Variants in IGF1 observed in about 807,000 individuals in gnomAD.
IGF1 encodes insulin like growth factor 1, also known as insulin-like growth factor 1.
Under a neutral mutation model 13.8 loss-of-function variants are expected in IGF1, and 4 were observed. The observed-to-expected ratio is 0.29, with a 90% confidence interval of 0.14 to 0.66. The LOEUF is 0.66. Ranked by LOEUF, IGF1 falls within the 30% of genes least tolerant of loss-of-function variation. The pLI is 0.78. For missense variants in IGF1, 124 were observed against 188.5 expected (o/e 0.66, Z 2.00); for synonymous variants, 76 against 72.6 (o/e 1.05, Z -0.23).
At chr12:102,466,844 T>C (rs1191348912) in intron 2 of IGF1, among the ~76,000 whole-genome samples, 2 of 152,178 alleles carry the variant, frequency 1.3e-5, no homozygotes, top group Non-Finnish European at 2.9e-5. Flanking sequence ...AGGTTGAGGC[T>C]GCAGTGAGCT....
In IGF1 at chr12:102,419,568, C is replaced by T. The variant is rs17884626; in HGVS notation, c.343G>A (p.Ala115Thr). The T allele has an allele frequency of 7.6e-4, 1,223 of 1,613,948 alleles. 12 individuals are homozygous for T. The African/African-American group carries it at 0.014, about 18-fold the overall frequency. Reference protein sequence around the residue: ...LEMYCAPLKPAKSARSVRAQR... With the variant: ...LEMYCAPLKPTKSARSVRAQR... ...GCACGGACAGAGCGAGCTGACTTGG[C>T]AGGCTTGAGGGGTGCGCAATACATC... is the stretch of plus-strand genomic sequence containing the variant. Residue 115 changes from alanine (A) to threonine (T), a missense_variant, in exon 3 of 4, where the codon GCC becomes ACC. Transcript: ENST00000337514.
upstream of IGF1, chr12:102,481,666 T>C (rs1881394846): frequency 1.3e-5 from 2 of 152,094 alleles, no homozygotes; most frequent in South Asian, 2.1e-4. Context: ...GAAAGTGAAT[T>C]ATAAAATAAG....
chr12:102,431,753 C>T (rs1440266339), intron 2 of IGF1, among the ~76,000 whole-genome samples: 9 of 152,072 alleles, frequency 5.9e-5, no homozygotes, highest in South Asian at 2.1e-4. Context: ...CTAAATGGAC[C>T]CACTAACCCC....
rs748799635 is a variant in IGF1, at chr12:102,475,727, C to T, written c.136G>A (p.Ala46Thr). The change falls in exon 2 of 4, where the codon GCC becomes ACC. Residue 46 changes from alanine to threonine, a missense_variant. Coordinates refer to ENST00000337514, the MANE Select transcript of IGF1 (RefSeq NM_000618.5). ...CAGAGCGTCTCCGGTCCAGCCGTGG[C>T]AGAGCTGGTGAAGGTGAGCAGGCAC... is the stretch of plus-strand genomic sequence containing the variant. ...ALCLLTFTSS[A>T]TAGPETLCGA... 6.2e-7 allele frequency: 1 copy of T among 1,614,208 alleles called. No individual in the cohort carries two copies. The highest frequency in any genetic ancestry group is 1.3e-5 in the African/African-American group (1 of 75,044).
At chr12:102,434,571 C>T (rs1185957221) in intron 2 of IGF1, among the ~76,000 whole-genome samples, 4 of 147,916 alleles carry the variant, frequency 2.7e-5, no homozygotes, top group Non-Finnish European at 6.0e-5. Context: ...TGGGTTGGTT[C>T]CAAGTCTTTG....
chr12:102,467,278 A>T (rs1880399082), intron 2 of IGF1, among the ~76,000 whole-genome samples: 1 of 152,204 alleles, frequency 6.6e-6, no homozygotes, highest in Admixed American at 6.5e-5. Context: ...CCAGAGATGA[A>T]AGAAGAAAAC....
rs1873443428 is a variant in IGF1 at position 102,398,866 on chromosome 12, A to G, written c.*3641T>C. The stretch of plus-strand genomic sequence containing the variant: ...CCACATTGGCATAGCTGGCCAAACA[A>G]TAAATGGGAAAGCAAAATGTGCTAC... On this transcript the variant is annotated 3_prime_UTR_variant, in exon 4 of 4. Coordinates refer to ENST00000337514, the MANE Select transcript of IGF1 (RefSeq NM_000618.5). The G allele has an allele frequency of 6.6e-6, 1 of 152,450 alleles. No homozygotes were observed. The highest frequency in any genetic ancestry group is 2.4e-5 in the African/African-American group (1 of 41,378). The allele number at this position is 152,450 out of a possible 1,614,324, so 9.4% of individuals were successfully genotyped here. A position where few individuals can be genotyped will look rare whatever the true frequency, so the allele number is the denominator to read the frequency against.
At chr12:102,464,654 A>T (rs1320433641) in intron 2 of IGF1, among the ~76,000 whole-genome samples, 2 of 151,858 alleles carry the variant, frequency 1.3e-5, no homozygotes, top group Non-Finnish European at 2.9e-5. Context: ...ATGGGATGTG[A>T]GGCCCCTGGG....
Position 102,420,463 on chromosome 12 carries a change from C to T in IGF1, c.221-773G>A, listed in dbSNP as rs1018270429. Among the ~76,000 whole-genome samples the T allele has an allele frequency of 3.9e-5, 6 of 152,332 alleles. No individual in the cohort carries two copies. In the South Asian group the frequency reaches 8.3e-4, roughly 21 times the overall value. On this transcript the variant is annotated intron_variant, in intron 2 of 3. Transcript: ENST00000337514. The stretch of plus-strand genomic sequence containing the variant: ...GTATGAATAATGCATAGCACAGCAC[C>T]TGACATATAGTGTAAGTCGTAAGTA...
chr12:102,413,355 G>T (rs1874805231), intron 3 of IGF1, among the ~76,000 whole-genome samples: 3 of 152,264 alleles, frequency 2.0e-5, no homozygotes, highest in African/African-American at 7.2e-5. Flanking sequence ...CTTGCCCAGT[G>T]GATGTTAATG....
chr12:102,473,813 A>G (rs546830880), intron 2 of IGF1, among the ~76,000 whole-genome samples: 2 of 152,374 alleles, frequency 1.3e-5, no homozygotes, highest in Admixed American at 6.5e-5. Flanking sequence ...GCAAACACTT[A>G]TAAGTATCAT....
At chr12:102,479,822 C>T (rs1881294580) in intron 1 of IGF1, among the ~76,000 whole-genome samples, 1 of 152,146 alleles carries the variant, frequency 6.6e-6, no homozygotes, top group African/African-American at 2.4e-5. Flanking sequence ...TATTTAAAAG[C>T]TTTAATATCA....
In IGF1 at chr12:102,480,479, A is replaced by C; in HGVS notation, c.-98T>G. The C allele has an allele frequency of 6.3e-7, 1 of 1,590,700 alleles. No homozygotes were observed. Among genetic ancestry groups the C allele is most frequent in the Non-Finnish European group, 8.6e-7 (1 of 1,168,894 alleles). On this transcript the variant is annotated 5_prime_UTR_variant, in exon 1 of 4. An upstream start codon of the reference 5' UTR is lost. Transcript: ENST00000337514. Reference sequence around the variant, plus strand: ...TGGGAGATGTTGAGAGCAATGTCACATTTCAATTTTGAGGACTTTATTCCA... The same window carrying C: ...TGGGAGATGTTGAGAGCAATGTCACCTTTCAATTTTGAGGACTTTATTCCA...
intron 2 of IGF1, among the ~76,000 whole-genome samples, chr12:102,423,631 G>T (rs572495442): frequency 6.6e-5 from 10 of 152,202 alleles, no homozygotes; most frequent in Non-Finnish European, 1.2e-4. Flanking sequence ...GAATTCCAAT[G>T]GTTAAACAGC....
chr12:102,446,290 C>T (rs774695116), intron 2 of IGF1, among the ~76,000 whole-genome samples: 61 of 152,112 alleles, frequency 4.0e-4, no homozygotes, highest in Non-Finnish European at 7.1e-4. Flanking sequence ...TAGTTTCAGA[C>T]GGAATGGTAC....
intron 2 of IGF1, among the ~76,000 whole-genome samples, chr12:102,444,513 T>C (rs901479958): frequency 1.2e-4 from 19 of 152,092 alleles, no homozygotes; most frequent in Non-Finnish European, 2.9e-5. Flanking sequence ...TATTTACGCG[T>C]AAGTTCATTC....
intron 2 of IGF1, among the ~76,000 whole-genome samples, chr12:102,474,193 T>C (rs543765145): frequency 1.3e-5 from 2 of 152,356 alleles, no homozygotes; most frequent in East Asian, 3.9e-4. Context: ...CCACAGGATA[T>C]TTTAAAGGTA....
chr12:102,467,977 A>G (rs1441215615), intron 2 of IGF1, among the ~76,000 whole-genome samples: 2 of 152,218 alleles, frequency 1.3e-5, no homozygotes, highest in Admixed American at 6.5e-5. Context: ...TTGATACATG[A>G]CTAGATTGCA....
chr12:102,417,481 G>A (rs559816273), intron 3 of IGF1: 7 of 885,382 alleles, frequency 7.9e-6, no homozygotes, highest in Admixed American at 1.2e-4. Context: ...AATGCATATA[G>A]AAGCCTTAAT....
Sources: allele counts gnomAD v4.1 joint callset (sites outside exome capture counted in the v4.1 genomes callset), GRCh38; gene constraint gnomAD v4.1.1; transcripts MANE v1.5; gene names NCBI Gene and HGNC (gene_info 2026-07-23, HGNC 2026-07-21).